The following STIM2 variants were observed in gnomAD, a reference collection of about 807,000 sequenced individuals.
STIM2 encodes stromal interaction molecule 2.
A neutral mutation model predicts 85.8 loss-of-function variants in STIM2; 31 were observed. The ratio of observed to expected loss-of-function variants is 0.36; its 90% CI spans 0.27 to 0.49. The LOEUF is 0.49. Ranked by LOEUF, STIM2 falls within the 20% of genes least tolerant of loss-of-function variation. STIM2 has a pLI of 0.98. For synonymous variants in STIM2, 356 were observed against 331.1 expected (o/e 1.08, Z -0.82); for missense variants, 841 against 927.6 (o/e 0.91, Z 1.21).
intron 2 of STIM2, among the ~76,000 whole-genome samples, chr4:26,940,005 A>G (rs1236806819): frequency 1.3e-5 from 2 of 152,208 alleles, no homozygotes; most frequent in African/African-American, 2.4e-5. Flanking sequence ...GGAGCATCAA[A>G]CAAAGCTCTG....
At chr4:26,976,011 G>A (rs1727171731) in intron 3 of STIM2, among the ~76,000 whole-genome samples, 1 of 152,212 alleles carries the variant, frequency 6.6e-6, no homozygotes, top group African/African-American at 2.4e-5. Context: ...TCAGACTGCT[G>A]CGCTAGCAGT....
chr4:26,999,192 AAT>A (rs547125145), intron 4 of STIM2, 38 bp from the exon 5 acceptor site: 2,579 of 822,862 alleles, frequency 3.1e-3, no homozygotes, highest in South Asian at 5.4e-3. Context: ...ATTTTCATTT[AAT>A]ATATATATAT....
intron 1 of STIM2, among the ~76,000 whole-genome samples, chr4:26,910,681 TA>T (rs1724303410): frequency 6.6e-6 from 1 of 152,206 alleles, no homozygotes. Flanking sequence ...AATATAAGTG[TA>T]GATACTTTTT....
chr4:27,000,278 A>G (rs1728105533), intron 5 of STIM2, among the ~76,000 whole-genome samples: 2 of 152,140 alleles, frequency 1.3e-5, no homozygotes, highest in South Asian at 2.1e-4. Flanking sequence ...GGCTTGGGCT[A>G]AAAGAGCAGC....
At chr4:26,869,947 G>A (rs1044444699) in intron 1 of STIM2, among the ~76,000 whole-genome samples, 3 of 151,708 alleles carry the variant, frequency 2.0e-5, no homozygotes, top group South Asian at 2.1e-4. Flanking sequence ...TGATACATAC[G>A]CACTTGCACC....
At chr4:27,002,537 A>G in intron 6 of STIM2, 143 bp downstream of exon 6, 1 of 580,566 alleles carries the variant, frequency 1.7e-6, no homozygotes, top group South Asian at 3.5e-5. Flanking sequence ...ATTTTTAGAA[A>G]AGTATACTTT....
Position 26,962,767 on chromosome 4 carries a change from T to C in STIM2, c.397+5041T>C, listed in dbSNP as rs16878651. Among the ~76,000 whole-genome samples, 1,591 of 152,304 alleles carry C rather than the reference T, an allele frequency of 0.01. 75 individuals carry two copies. The East Asian group carries it at 0.15, about 14-fold the overall frequency. On this transcript the variant is annotated intron_variant, in intron 3 of 11. Coordinates refer to ENST00000467087, the MANE Select transcript of STIM2 (RefSeq NM_020860.4). ...TGAATGTATTTAAATAGTAGCCAGA[T>C]ACCTAATGCAGGAAATTGTACATAG...
At chr4:26,946,839 T>C (rs536780115) in intron 2 of STIM2, among the ~76,000 whole-genome samples, 7 of 152,336 alleles carry the variant, frequency 4.6e-5, no homozygotes, top group Middle Eastern at 3.4e-3. Context: ...TATTTCCCTG[T>C]GTCAAAAACC....
intron 2 of STIM2, among the ~76,000 whole-genome samples, chr4:26,929,675 A>G (rs1261362580): frequency 6.6e-6 from 1 of 152,032 alleles, no homozygotes; most frequent in Non-Finnish European, 1.5e-5. Context: ...TGGTCATATG[A>G]AAAATTCTTT....
chr4:26,899,652 G>C (rs890434875), intron 1 of STIM2, among the ~76,000 whole-genome samples: 1 of 152,094 alleles, frequency 6.6e-6, no homozygotes. Flanking sequence ...GAAAAATTCA[G>C]TCACTGATGA....
At chr4:26,883,004 ATT>A (rs140871540) in intron 1 of STIM2, among the ~76,000 whole-genome samples, 7 of 139,252 alleles carry the variant, frequency 5.0e-5, no homozygotes, top group Admixed American at 7.2e-5. Flanking sequence ...TACCTGGCTA[ATT>A]TTTTTTTTTT....
At chr4:26,976,186 C>T (rs1028355309) in intron 3 of STIM2, among the ~76,000 whole-genome samples, 13 of 152,068 alleles carry the variant, frequency 8.5e-5, no homozygotes, top group East Asian at 5.8e-4. Flanking sequence ...GGAAATCCCC[C>T]GACCCCTTGC....
chr4:26,946,574 A>G (rs1339766594), intron 2 of STIM2, among the ~76,000 whole-genome samples: 1 of 152,252 alleles, frequency 6.6e-6, no homozygotes, highest in East Asian at 1.9e-4. Flanking sequence ...GTGCGCACGC[A>G]TGCGTGCACA....
At chr4:26,908,015 G>A (rs77453282) in intron 1 of STIM2, among the ~76,000 whole-genome samples, 2,593 of 152,210 alleles carry the variant, frequency 0.017, 80 homozygotes, top group African/African-American at 0.06. Context: ...AAATTGGTGG[G>A]ACTCTGCTTC....
At chr4:26,971,381 A>G (rs548938297) in intron 3 of STIM2, among the ~76,000 whole-genome samples, 2 of 152,218 alleles carry the variant, frequency 1.3e-5, no homozygotes, top group East Asian at 1.9e-4. Flanking sequence ...TTTTAGGTCT[A>G]ACATTTAATT....
chr4:26,906,511 C>T (rs1249520766), intron 1 of STIM2, among the ~76,000 whole-genome samples: 4 of 140,550 alleles, frequency 2.8e-5, no homozygotes, highest in African/African-American at 5.3e-5. Context: ...TGGACTAGTG[C>T]GATCATAATG....
intron 3 of STIM2, among the ~76,000 whole-genome samples, chr4:26,990,736 C>A (rs755016456): frequency 6.6e-6 from 1 of 151,934 alleles, no homozygotes; most frequent in Non-Finnish European, 1.5e-5. Context: ...TCAAACAGCT[C>A]AATAGCAGAA....
intron 3 of STIM2, among the ~76,000 whole-genome samples, chr4:26,968,129 C>T (rs528346554): frequency 6.6e-6 from 1 of 152,202 alleles, no homozygotes; most frequent in South Asian, 2.1e-4. Flanking sequence ...CATGTTTGTG[C>T]CACTGCACTA....
chr4:26,970,237 ATATATATATGTATGTATTTTTT>A (rs1726893372), intron 3 of STIM2, among the ~76,000 whole-genome samples: 1 of 26,552 alleles, frequency 3.8e-5, no homozygotes, highest in African/African-American at 9.0e-5. Context: ...ATATATATAT[ATATATATATGTATGTATTTTTT>A]TATTATACTT....
Sources: gnomAD v4.1 joint callset for allele counts (sites outside exome capture counted in the v4.1 genomes callset) on GRCh38, gnomAD v4.1.1 for gene constraint, MANE v1.5 for transcripts, NCBI Gene and HGNC (gene_info 2026-07-23, HGNC 2026-07-21) for gene names.